EHBP1: variants seen among roughly 807,000 people sequenced by gnomAD.
EHBP1 encodes EH domain-binding protein 1.
EHBP1 carries 55 observed loss-of-function variants against 144.0 expected under a neutral mutation model. The ratio of observed to expected loss-of-function variants is 0.38; its 90% CI spans 0.31 to 0.48. EHBP1 has a LOEUF of 0.48. Among genes scored for constraint, EHBP1 ranks in the 20% least tolerant of loss-of-function variants. The pLI is 0.98. For missense variants in EHBP1, 1,200 were observed against 1,364.2 expected, an observed-to-expected ratio of 0.88 and a Z score of 1.90; for synonymous variants, 469 against 472.7, an observed-to-expected ratio of 0.99 and a Z score of 0.10.
rs898065896 is a variant in EHBP1, at chr2:62,973,885, G to C, written c.2461-5303G>C. 3.5e-4 allele frequency among the ~76,000 whole-genome samples: 53 copies of C among 152,102 alleles called. 1 individual carries two copies. Among genetic ancestry groups the C allele is most frequent in the Admixed American group, 3.4e-3 (52 of 15,272 alleles). On this transcript the variant is annotated intron_variant, in intron 14 of 22. Transcript: ENST00000431489. ...ATGGTGGCACACACCTGTGGTCCCA[G>C]CTACTCGGGGTGGTGGCAGGGCTGA...
intron 2 of EHBP1, among the ~76,000 whole-genome samples, chr2:62,709,781 T>C (rs904267928): frequency 6.6e-6 from 1 of 152,090 alleles, no homozygotes; most frequent in African/African-American, 2.4e-5. Context: ...CTTCTTGTAT[T>C]GTCTAGTGGT....
At chr2:62,986,965 A>G (rs894303761) in intron 15 of EHBP1, among the ~76,000 whole-genome samples, 2 of 152,142 alleles carry the variant, frequency 1.3e-5, no homozygotes, top group African/African-American at 4.8e-5. Context: ...ATACCTCACT[A>G]CTAATAAAAG....
In EHBP1 at chr2:62,831,108, A is replaced by C. The variant is rs755809478; in HGVS notation, c.584A>C (p.Asp195Ala). ...NLDDFEEDNE[D>A]DDENRVNQEE... ...GATGACTTCGAAGAAGATAATGAAG[A>C]TGATGATGAGAACAGAGTGAACCAA... The change falls in exon 7 of 23, where the codon GAT becomes GCT. Residue 195 changes from aspartate to alanine, a missense_variant. Physicochemically the swap from Asp to Ala is moderately radical, Grantham distance 126. This residue lies in a region of EHBP1 where 266 missense variants were observed against 262.4 expected (regional missense o/e 1.01). Transcript: ENST00000431489. 2 of 1,609,746 alleles carry C rather than the reference A, an allele frequency of 1.2e-6. No homozygotes were observed. Among genetic ancestry groups the C allele is most frequent in the East Asian group, 2.2e-5 (1 of 44,684 alleles).
intron 10 of EHBP1, among the ~76,000 whole-genome samples, chr2:62,880,012 G>T (rs2051264064): frequency 1.3e-5 from 2 of 151,850 alleles, no homozygotes; most frequent in South Asian, 4.1e-4. Context: ...GGTACTGGTA[G>T]ACGCACAGAC....
chr2:62,725,816 A>T (rs2036724186), intron 2 of EHBP1, among the ~76,000 whole-genome samples: 1 of 151,972 alleles, frequency 6.6e-6, no homozygotes, highest in South Asian at 2.1e-4. Context: ...TCATGATTGG[A>T]GGTGGTGTGT....
chr2:62,973,974 A>G (rs541163895), intron 14 of EHBP1, among the ~76,000 whole-genome samples: 31 of 152,206 alleles, frequency 2.0e-4, no homozygotes, highest in African/African-American at 7.0e-4. Context: ...GCACCATTGC[A>G]CTCCAGCCCA....
At chr2:62,900,703 T>TATATATATATATATATATATATATATATA (rs1558881616) in intron 10 of EHBP1, among the ~76,000 whole-genome samples, 8 of 150,530 alleles carry the variant, frequency 5.3e-5, no homozygotes, top group African/African-American at 9.9e-5. Context: ...TATATATATA[T>TATATATATATATATATATATATATATATA]TTTCTTTCTC....
intron 19 of EHBP1, among the ~76,000 whole-genome samples, chr2:63,035,718 C>T (rs1264775242): frequency 6.6e-6 from 1 of 152,000 alleles, no homozygotes; most frequent in Non-Finnish European, 1.5e-5. Context: ...TAATATTGCA[C>T]ACATGTGGCA....
chr2:62,944,860 TC>T (rs1450684439), intron 12 of EHBP1, among the ~76,000 whole-genome samples: 5 of 152,230 alleles, frequency 3.3e-5, no homozygotes, highest in African/African-American at 1.2e-4. Flanking sequence ...AATGCTTTTT[TC>T]TACTGAATTG....
chr2:62,894,927 A>AATTGAGAG (rs1553463477), intron 10 of EHBP1, among the ~76,000 whole-genome samples: 3 of 141,110 alleles, frequency 2.1e-5, no homozygotes, highest in Non-Finnish European at 4.6e-5. Flanking sequence ...AACAGAAAGA[A>AATTGAGAG]AGAGAGAGAG....
chr2:62,863,583 G>A (rs1386564550), intron 8 of EHBP1, among the ~76,000 whole-genome samples: 1 of 152,004 alleles, frequency 6.6e-6, no homozygotes, highest in South Asian at 2.1e-4. Context: ...ATTATTGATT[G>A]AAGTTACATT....
intron 1 of EHBP1, among the ~76,000 whole-genome samples, chr2:62,685,528 G>C (rs192504175): frequency 6.6e-6 from 1 of 152,044 alleles, no homozygotes; most frequent in African/African-American, 2.4e-5. Context: ...TGATAAGGAC[G>C]TCAGTCATAT....
intron 4 of EHBP1, among the ~76,000 whole-genome samples, chr2:62,767,855 T>G (rs1228411327): frequency 7.7e-6 from 1 of 129,488 alleles, no homozygotes; most frequent in Admixed American, 7.7e-5. Flanking sequence ...AAAAAAAAAG[T>G]CAAGACTAAG....
In EHBP1 at chr2:62,874,505, A is replaced by G; in HGVS notation, c.1158A>G (p.Ala386=). ...TGVLNENTVS[A]GKDLSTSPKP... Reference sequence around the variant, plus strand: ...TATTAAATGAAAACACAGTTTCTGCAGGAAAAGATCTCTCTACTTCTCCTA... The same window carrying G: ...TATTAAATGAAAACACAGTTTCTGCGGGAAAAGATCTCTCTACTTCTCCTA... Residue 386 remains alanine (A), a synonymous_variant, in exon 10 of 23, where the codon GCA becomes GCG. Coordinates refer to ENST00000431489, the MANE Select transcript of EHBP1 (RefSeq NM_001142616.3). 6.2e-7 allele frequency: 1 copy of G among 1,606,212 alleles called. No homozygotes were observed. The highest frequency in any genetic ancestry group is 8.5e-7 in the Non-Finnish European group (1 of 1,176,780).
chr2:62,838,582 A>G (rs1484179818), intron 7 of EHBP1, among the ~76,000 whole-genome samples: 1 of 152,112 alleles, frequency 6.6e-6, no homozygotes, highest in East Asian at 1.9e-4. Flanking sequence ...AACAAAATTG[A>G]TAGACCACTA....
intron 1 of EHBP1, among the ~76,000 whole-genome samples, chr2:62,696,316 G>A (rs979765481): frequency 6.6e-5 from 10 of 151,652 alleles, no homozygotes; most frequent in South Asian, 2.1e-4. Flanking sequence ...GATTGCAGGC[G>A]CTCACCACCA....
chr2:63,005,504 A>G (rs1357618856), intron 19 of EHBP1, among the ~76,000 whole-genome samples: 7 of 152,114 alleles, frequency 4.6e-5, no homozygotes, highest in Admixed American at 4.6e-4. Flanking sequence ...GCCTTTGGAT[A>G]ATATTATTTC....
intron 5 of EHBP1, among the ~76,000 whole-genome samples, chr2:62,802,610 G>T (rs1403125316): frequency 6.6e-6 from 1 of 151,716 alleles, no homozygotes; most frequent in Non-Finnish European, 1.5e-5. Flanking sequence ...GTAACAAAAT[G>T]AAAGTTCTCC....
intron 19 of EHBP1, among the ~76,000 whole-genome samples, chr2:63,022,410 G>A (rs1328177423): frequency 6.6e-6 from 1 of 152,032 alleles, no homozygotes; most frequent in Non-Finnish European, 1.5e-5. Flanking sequence ...CACCTCCCAG[G>A]TTCAAGTGAT....
Sources: allele counts gnomAD v4.1 joint callset (sites outside exome capture counted in the v4.1 genomes callset), GRCh38; gene constraint gnomAD v4.1.1; regional missense constraint gnomAD v4.1.1; transcripts MANE v1.5; gene names NCBI Gene and HGNC (gene_info 2026-07-23, HGNC 2026-07-21).